The following ZNF592 variants were observed in gnomAD, a reference collection of about 807,000 sequenced individuals.
The protein encoded by ZNF592 is zinc finger protein 592, also known as spinocerebellar ataxia, autosomal recessive 5.
Under a neutral mutation model 80.3 loss-of-function variants are expected in ZNF592, and 11 were observed. The ratio of observed to expected loss-of-function variants is 0.14; its 90% confidence interval spans 0.09 to 0.23. The LOEUF (loss-of-function observed/expected upper bound fraction) is 0.23, where lower values mean the gene tolerates loss of function less well. Ranked by LOEUF, ZNF592 falls within the 10% of genes least tolerant of loss-of-function variation. The probability of loss-of-function intolerance (pLI) is 1.00; values close to 1 mark genes in which losing one functional copy is unlikely to be tolerated. For missense variants in ZNF592, 1,420 were observed against 1,633.9 expected, an observed-to-expected ratio of 0.87 and a Z score of 2.26; for synonymous variants, 646 against 640.3, an observed-to-expected ratio of 1.01 and a Z score of -0.13.
At position 84,783,956 on chromosome 15, in the gene ZNF592, T is replaced by C. The variant is rs369750975; in HGVS notation, c.1281T>C (p.Pro427=). The C allele has an allele frequency of 5.0e-6, 8 of 1,613,632 alleles. No homozygotes were observed. In the African/African-American group the frequency reaches 1.1e-4, roughly 22 times the overall value. Residue 427 remains proline (P), a synonymous_variant, in exon 4 of 11, where the codon CCT becomes CCC. Coordinates refer to ENST00000560079, the MANE Select transcript of ZNF592 (RefSeq NM_014630.3). This position sits in a 1 kb window ranked among gnomAD's most constrained non-coding sequence, Gnocchi z 5.0. ...APSEMPGDEV[P]VEEHFPEAGT... ...GCGAGATGCCAGGGGATGAGGTGCC[T>C]GTGGAAGAGCACTTTCCTGAGGCAG...
intron 2 of ZNF592, among the ~76,000 whole-genome samples, chr15:84,768,270 G>A (rs868707473): frequency 6.9e-5 from 9 of 129,810 alleles, no homozygotes; most frequent in Admixed American, 1.8e-4. Context: ...GTGCTCTGTC[G>A]CCCAGGCTGG....
At chr15:84,780,087 A>G (rs894537835) in intron 3 of ZNF592, among the ~76,000 whole-genome samples, 4 of 151,354 alleles carry the variant, frequency 2.6e-5, no homozygotes, top group Non-Finnish European at 5.9e-5. Context: ...CCTGGGTTCA[A>G]GTGATTCTCC....
chr15:84,749,934 C>G (rs1567055416), intron 1 of ZNF592, among the ~76,000 whole-genome samples: 1 of 152,254 alleles, frequency 6.6e-6, no homozygotes, highest in African/African-American at 2.4e-5. Context: ...AGGCACTGAG[C>G]TAGGTGTTGG....
chr15:84,800,102 C>G (rs1267803180), intron 10 of ZNF592, 125 bp downstream of exon 10: 11 of 1,442,586 alleles, frequency 7.6e-6, no homozygotes, highest in Non-Finnish European at 1.1e-5. Context: ...CAATGTGGGT[C>G]ACTCTCTAGT....
chr15:84,772,537 G>A (rs1962112150), intron 2 of ZNF592, among the ~76,000 whole-genome samples: 4 of 152,156 alleles, frequency 2.6e-5, no homozygotes. Context: ...GCAACAGAGT[G>A]AGACCCTGTC....
At chr15:84,777,830 G>A (rs1475167589) in intron 2 of ZNF592, among the ~76,000 whole-genome samples, 2 of 150,964 alleles carry the variant, frequency 1.3e-5, no homozygotes, top group South Asian at 2.1e-4. Context: ...CTCCCGAGTA[G>A]CTGGGACTAT....
Position 84,802,584 on chromosome 15 carries a change from C to G in ZNF592, c.*191C>G. ...AGGAAATGTGGGGTCGGCCAGGACC[C>G]TCACAGCTCTGAATTTGCTTCTGTT... On this transcript the variant is annotated 3_prime_UTR_variant, in exon 11 of 11. Transcript: ENST00000560079. 1 of 651,252 alleles carries G rather than the reference C, an allele frequency of 1.5e-6. No homozygotes were observed. The allele number at this position is 651,252 out of a possible 1,614,324, so 40.3% of individuals were successfully genotyped here. A position where few individuals can be genotyped will look rare whatever the true frequency, so the allele number is the denominator to read the frequency against.
At chr15:84,760,230 CA>C (rs1383188998) in intron 1 of ZNF592, among the ~76,000 whole-genome samples, 3 of 152,128 alleles carry the variant, frequency 2.0e-5, no homozygotes, top group African/African-American at 7.2e-5. Context: ...GAGTCAAAGT[CA>C]AAGACCTAGC....
chr15:84,796,294 T>TAA (rs781339991), intron 5 of ZNF592, among the ~76,000 whole-genome samples: 1 of 43,496 alleles, frequency 2.3e-5, no homozygotes, highest in Non-Finnish European at 3.7e-5. Flanking sequence ...TATATATATA[T>TAA]AAAAAAACGA....
chr15:84,769,126 A>C (rs1264299366), intron 2 of ZNF592, among the ~76,000 whole-genome samples: 2 of 152,010 alleles, frequency 1.3e-5, no homozygotes, highest in Non-Finnish European at 2.9e-5. Flanking sequence ...TTTTTAGTAG[A>C]GACAGGGTTT....
rs1385938991 is a variant in ZNF592, at chr15:84,799,758, C to G, written c.3138-84C>G. 1 of 1,599,610 alleles carries G rather than the reference C, an allele frequency of 6.3e-7. No individual in the cohort carries two copies. On this transcript the variant is annotated intron_variant, in intron 9 of 10. Transcript: ENST00000560079. The surrounding 1 kb of genome is among the most constrained non-coding windows in gnomAD (Gnocchi z 4.2). The stretch of plus-strand genomic sequence containing the variant: ...CAGCCCAGGAGTCTGCTCCAGACTC[C>G]CTCCTTCCTGGCCTTGGTGTGAATA...
intron 3 of ZNF592, among the ~76,000 whole-genome samples, chr15:84,781,184 G>A (rs1388315954): frequency 6.6e-5 from 10 of 151,942 alleles, no homozygotes; most frequent in Admixed American, 5.2e-4. Flanking sequence ...GAGTAGCTGG[G>A]ATTAAGGCGC....
chr15:84,802,285 G>C lies in ZNF592; in HGVS notation c.3696G>C (p.Ala1232=). ...AGEPLSADPE[A]RRLLGPAPED... ...AGCCTTTGTCAGCTGACCCAGAGGCGAGGAGATTGCTGGGCCCGGCCCCTG... is the reference window on the plus strand; with the variant it reads ...AGCCTTTGTCAGCTGACCCAGAGGCCAGGAGATTGCTGGGCCCGGCCCCTG... The change falls in exon 11 of 11, where the codon GCG becomes GCC. Residue 1232 remains alanine, a synonymous_variant. Transcript: ENST00000560079. The C allele has an allele frequency of 6.2e-7, 1 of 1,612,522 alleles. No homozygotes were observed. Among genetic ancestry groups the C allele is most frequent in the Non-Finnish European group, 8.5e-7 (1 of 1,178,950 alleles).
chr15:84,765,370 T>C lies in ZNF592; in HGVS notation c.-150+555T>C, dbSNP rs528122905. Reference sequence around the variant, plus strand: ...TGTGTCCTCCCGCTCTTAATTCTTTTGAGTATATACCCAGAAGTGGAATTG... The same window carrying C: ...TGTGTCCTCCCGCTCTTAATTCTTTCGAGTATATACCCAGAAGTGGAATTG... On this transcript the variant is annotated intron_variant, in intron 2 of 10. Coordinates refer to ENST00000560079, the MANE Select transcript of ZNF592 (RefSeq NM_014630.3). Among the ~76,000 whole-genome samples, 6 of 152,274 alleles carry C rather than the reference T, an allele frequency of 3.9e-5. No individual in the cohort carries two copies. The South Asian group carries it at 1.2e-3, about 32-fold the overall frequency.
chr15:84,756,135 A>G (rs1009026832), intron 1 of ZNF592, among the ~76,000 whole-genome samples: 2 of 152,158 alleles, frequency 1.3e-5, no homozygotes, highest in African/African-American at 4.8e-5. Context: ...GTTAAGAGAG[A>G]GAGTTCCCAT....
chr15:84,775,438 G>C (rs1229042637), intron 2 of ZNF592, among the ~76,000 whole-genome samples: 1 of 148,900 alleles, frequency 6.7e-6, no homozygotes, highest in African/African-American at 2.5e-5. Context: ...TTGTTGTTCT[G>C]TTTTGTTTTT....
chr15:84,764,905 GTTTTGT>G (rs750383222), intron 2 of ZNF592, 90 bp downstream of exon 2: 6 of 319,190 alleles, frequency 1.9e-5, no homozygotes, highest in African/African-American at 6.5e-5. Flanking sequence ...GTTTTGTTTT[GTTTTGT>G]TTTTTTTTGA....
At chr15:84,764,552 A>G (rs1441250969) in intron 1 of ZNF592, among the ~76,000 whole-genome samples, 155 bp from the exon 2 acceptor site, 1 of 152,098 alleles carries the variant, frequency 6.6e-6, no homozygotes, top group African/African-American at 2.4e-5. Context: ...CTTTGACTAC[A>G]TTTGTGGCCT....
chr15:84,790,867 C>T lies in ZNF592; in HGVS notation c.2383C>T (p.Arg795Cys). 1 of 1,614,212 alleles carries T rather than the reference C, an allele frequency of 6.2e-7. No homozygotes were observed. Among genetic ancestry groups the T allele is most frequent in the Non-Finnish European group, 8.5e-7 (1 of 1,180,044 alleles). The change falls in exon 5 of 11, where the codon CGC (arginine) becomes TGC (cysteine). Residue 795 changes from arginine (R) to cysteine (C), a missense_variant. Coordinates refer to ENST00000560079, the MANE Select transcript of ZNF592 (RefSeq NM_014630.3). ...HVKENCLHYA[R>C]KVGYRCIHCG... ...AAAGGAGAATTGCCTGCACTATGCCCGCAAGGTGGGCTACAGGTGGGTGCT... is the reference window on the plus strand; with the variant it reads ...AAAGGAGAATTGCCTGCACTATGCCTGCAAGGTGGGCTACAGGTGGGTGCT...
Sources: allele counts gnomAD v4.1 joint callset (sites outside exome capture counted in the v4.1 genomes callset), GRCh38; gene constraint gnomAD v4.1.1; non-coding constraint Gnocchi (gnomAD v3.1); transcripts MANE v1.5; gene names NCBI Gene and HGNC (gene_info 2026-07-23, HGNC 2026-07-21).